The following PHLDB2 variants were observed in gnomAD, a reference collection of about 807,000 sequenced individuals.
PHLDB2 encodes the protein pleckstrin homology-like domain family B member 2.
PHLDB2 carries 71 observed loss-of-function variants against 123.6 expected under a neutral mutation model. That is an observed-to-expected ratio of 0.57 (90% CI 0.47 to 0.70). The LOEUF (loss-of-function observed/expected upper bound fraction) is 0.70. PHLDB2 is among the 30% of genes least tolerant of loss of function. The pLI is 0.00. For synonymous variants in PHLDB2, 547 were observed against 541.6 expected (o/e 1.01, Z -0.14); for missense variants, 1,446 against 1,519.5 (o/e 0.95, Z 0.80).
At chr3:111,910,054 G>T (rs1381974343) in intron 2 of PHLDB2, among the ~76,000 whole-genome samples, 1 of 152,142 alleles carries the variant, frequency 6.6e-6, no homozygotes, top group Admixed American at 6.5e-5. Context: ...CTGTGAATCT[G>T]CAGTGGGAAC....
chr3:111,849,202 A>C (rs1168735833), intron 2 of PHLDB2, among the ~76,000 whole-genome samples: 1 of 151,896 alleles, frequency 6.6e-6, no homozygotes, highest in East Asian at 1.9e-4. Flanking sequence ...ATATGGTCTC[A>C]CTCTATTGCC....
At position 111,831,801 on chromosome 3, in the gene PHLDB2, G is replaced by A. The variant is rs565001683; in HGVS notation, c.-48-14020G>A. ...ACTTAAAAATGTAAATAAGTTTAAG[G>A]TGGGAATAGGCAAATTAATAAAGAT... is the stretch of plus-strand genomic sequence containing the variant. On this transcript the variant is annotated intron_variant, in intron 1 of 17. Transcript: ENST00000393923. Among the ~76,000 whole-genome samples the A allele has an allele frequency of 1.1e-4, 16 of 152,234 alleles. No homozygotes were observed. The South Asian group carries it at 2.5e-3, about 24-fold the overall frequency.
At chr3:111,779,839 T>C (rs2060337662) in intron 1 of PHLDB2, 5 of 983,722 alleles carry the variant, frequency 5.1e-6, no homozygotes, top group South Asian at 4.7e-5. Flanking sequence ...CACAGGTCTC[T>C]GGCCATCCTC....
At position 111,974,648 on chromosome 3, in the gene PHLDB2, C is replaced by G; in HGVS notation, c.*85C>G. On this transcript the variant is annotated 3_prime_UTR_variant, in exon 18 of 18. Coordinates refer to ENST00000431670, the MANE Select transcript of PHLDB2 (RefSeq NM_001134438.2). ...CCATATTCAACCCCAGATGAGAAAA[C>G]CCAACAGATCCATCCCTTGAGCTGT... 1 of 1,319,122 alleles carries G rather than the reference C, an allele frequency of 7.6e-7. No homozygotes were observed. Among genetic ancestry groups the G allele is most frequent in the Non-Finnish European group, 1.0e-6 (1 of 998,206 alleles). 81.7% of individuals were successfully genotyped at this position (1,319,122 alleles called of 1,614,324 possible).
At chr3:111,940,760 A>T in intron 8 of PHLDB2, 115 bp downstream of exon 8, 1 of 463,754 alleles carries the variant, frequency 2.2e-6, no homozygotes, top group Non-Finnish European at 3.8e-6. Context: ...AATTTAAGGA[A>T]GATTTTTATA....
Position 111,940,606 on chromosome 3 carries a change from T to C in PHLDB2, c.2358T>C (p.Phe786=). ...VQQAQREQDH[F]VKEKNNLIMM... ...AGGCTCAGAGAGAGCAAGATCATTTTGTGAAAGAAAAGAATAATTTAATAA... is the reference window on the plus strand; with the variant it reads ...AGGCTCAGAGAGAGCAAGATCATTTCGTGAAAGAAAAGAATAATTTAATAA... The change falls in exon 8 of 18, where the codon TTT becomes TTC. Residue 786 remains phenylalanine (F), a synonymous_variant. Coordinates refer to ENST00000431670, the MANE Select transcript of PHLDB2 (RefSeq NM_001134438.2). The C allele has an allele frequency of 3.1e-6, 5 of 1,606,362 alleles. No homozygotes were observed. Among genetic ancestry groups the C allele is most frequent in the Non-Finnish European group, 4.3e-6 (5 of 1,176,254 alleles).
intron 1 of PHLDB2, among the ~76,000 whole-genome samples, chr3:111,811,152 T>A (rs1353908651): frequency 6.6e-6 from 1 of 152,228 alleles, no homozygotes; most frequent in Non-Finnish European, 1.5e-5. Flanking sequence ...TTTAAGTAAC[T>A]GGTCTTACAG....
chr3:111,791,456 G>A (rs1472467358), intron 1 of PHLDB2, among the ~76,000 whole-genome samples: 1 of 152,166 alleles, frequency 6.6e-6, no homozygotes, highest in Non-Finnish European at 1.5e-5. Context: ...TATCTTTGTT[G>A]AGGCAGCATT....
chr3:111,913,396 C>T lies in PHLDB2; in HGVS notation c.1413C>T (p.Thr471=), dbSNP rs762049849. ...CTGACAGTCGCTTATCTACTGGGAC[C>T]ACCGTGGAAGATGTGCAGAAAATCA... ...TKPDSRLSTG[T]TVEDVQKINK... The change falls in exon 3 of 18, where the codon ACC becomes ACT. Residue 471 remains threonine (T), a synonymous_variant. Coordinates refer to ENST00000431670, the MANE Select transcript of PHLDB2 (RefSeq NM_001134438.2). The T allele has an allele frequency of 6.2e-7, 1 of 1,614,096 alleles. No homozygotes were observed. The highest frequency in any genetic ancestry group is 8.5e-7 in the Non-Finnish European group (1 of 1,180,022).
In PHLDB2 at chr3:111,962,002, A is replaced by G. The variant is rs891404504; in HGVS notation, c.2873-106A>G. 2.7e-5 allele frequency: 29 copies of G among 1,065,566 alleles called. No individual in the cohort carries two copies. In the East Asian group the frequency reaches 6.6e-4, roughly 24 times the overall value. The allele number at this position is 1,065,566 out of a possible 1,614,324, so 66.0% of individuals were successfully genotyped here. A position where few individuals can be genotyped will look rare whatever the true frequency, so the allele number is the denominator to read the frequency against. On this transcript the variant is annotated intron_variant, in intron 12 of 17. Transcript: ENST00000431670. The stretch of plus-strand genomic sequence containing the variant: ...TCAAAACAAATTAGACCAAGGCCCA[A>G]GCTTCATAGGCAGATGTTTCTGGTT...
intron 13 of PHLDB2, among the ~76,000 whole-genome samples, chr3:111,965,926 A>G (rs1161856396): frequency 6.6e-6 from 1 of 152,122 alleles, no homozygotes; most frequent in Non-Finnish European, 1.5e-5. Context: ...CACTTGAGTG[A>G]TGTCTTTTCC....
chr3:111,953,012 G>A (rs1050172121), intron 11 of PHLDB2, among the ~76,000 whole-genome samples: 3 of 152,166 alleles, frequency 2.0e-5, no homozygotes, highest in African/African-American at 7.2e-5. Flanking sequence ...GATAAGATAG[G>A]ATGTAGCCTC....
At chr3:111,923,784 T>A (rs779027813) in intron 5 of PHLDB2, among the ~76,000 whole-genome samples, 6 of 152,224 alleles carry the variant, frequency 3.9e-5, no homozygotes, top group African/African-American at 7.2e-5. Context: ...TGTTTCTTGA[T>A]TGCTTCAACA....
intron 2 of PHLDB2, 171 bp downstream of exon 2, chr3:111,885,583 A>T: frequency 1.1e-6 from 1 of 893,122 alleles, no homozygotes; most frequent in East Asian, 2.6e-5. Context: ...CCATATCACT[A>T]TTAATAGGCT....
intron 2 of PHLDB2, among the ~76,000 whole-genome samples, chr3:111,905,382 A>AAT (rs2067451998): frequency 1.3e-5 from 2 of 152,156 alleles, no homozygotes; most frequent in Non-Finnish European, 2.9e-5. Context: ...TATTTGAGAC[A>AAT]GTGTCTCATT....
chr3:111,882,092 A>C (rs887405773), intron 1 of PHLDB2, among the ~76,000 whole-genome samples: 4 of 152,220 alleles, frequency 2.6e-5, no homozygotes, highest in African/African-American at 9.6e-5. Context: ...AATGTACTTC[A>C]AAATATGATT....
intron 1 of PHLDB2, among the ~76,000 whole-genome samples, chr3:111,736,045 C>G (rs962528043): frequency 3.3e-5 from 5 of 152,174 alleles, no homozygotes; most frequent in Admixed American, 2.0e-4. Flanking sequence ...CCCACTCACA[C>G]AAGATGTTCT....
intron 1 of PHLDB2, among the ~76,000 whole-genome samples, chr3:111,812,073 T>G (rs1043836678): frequency 6.6e-6 from 1 of 152,200 alleles, no homozygotes; most frequent in Non-Finnish European, 1.5e-5. Flanking sequence ...AATTCCAGTA[T>G]TTAGATTAAA....
chr3:111,773,980 A>C (rs1283406854), intron 1 of PHLDB2, among the ~76,000 whole-genome samples: 3 of 152,244 alleles, frequency 2.0e-5, no homozygotes, highest in African/African-American at 7.2e-5. Flanking sequence ...CTAAATAAAG[A>C]GAAATTTTCA....
Sources: gnomAD v4.1 joint callset for allele counts (sites outside exome capture counted in the v4.1 genomes callset) on GRCh38, gnomAD v4.1.1 for gene constraint, MANE v1.5 for transcripts, NCBI Gene and HGNC (gene_info 2026-07-23, HGNC 2026-07-21) for gene names.